The following KIF2A variants were observed in gnomAD, a reference collection of about 807,000 sequenced individuals.
KIF2A encodes kinesin-like protein KIF2A.
In KIF2A, 22 loss-of-function variants were observed where a neutral mutation model predicts 100.2. The observed-to-expected ratio is 0.22, with a 90% CI of 0.16 to 0.31. The LOEUF (loss-of-function observed/expected upper bound fraction) is 0.31. KIF2A is among the 10% of genes least tolerant of loss of function. The pLI, the probability that KIF2A is intolerant of heterozygous loss-of-function variation, is 1.00. For missense variants in KIF2A, 495 were observed against 898.7 expected, an observed-to-expected ratio of 0.55 and a Z score of 5.74; for synonymous variants, 268 against 285.9, an observed-to-expected ratio of 0.94 and a Z score of 0.63.
intron 1 of KIF2A, among the ~76,000 whole-genome samples, chr5:62,340,002 G>C (rs145500552): frequency 6.7e-6 from 1 of 149,196 alleles, no homozygotes; most frequent in Non-Finnish European, 1.5e-5. Context: ...GCAATGGCGC[G>C]ATCTTGGCTC....
At chr5:62,362,342 T>C (rs916275774) in intron 11 of KIF2A, 108 bp from the exon 12 acceptor site, 22 of 447,878 alleles carry the variant, frequency 4.9e-5, no homozygotes, top group Non-Finnish European at 7.9e-6. Context: ...TTATTGATAC[T>C]GTTATCCTAG....
chr5:62,380,295 T>C (rs1741717923), intron 19 of KIF2A, among the ~76,000 whole-genome samples: 1 of 152,236 alleles, frequency 6.6e-6, no homozygotes, highest in South Asian at 2.1e-4. Context: ...AAGTGCTCAG[T>C]AGCTTTATTA....
Position 62,388,967 on chromosome 5 carries a change from T to G in KIF2A, c.*3398T>G. On this transcript the variant is annotated 3_prime_UTR_variant, in exon 21 of 21. Transcript: ENST00000407818. ...TTCTCAAATACAAAAAATACAAAAT[T>G]CATTTCTTTTCTTGACCTTGAAAAT... The G allele has an allele frequency of 3.2e-6, 5 of 1,555,900 alleles. No homozygotes were observed. Among genetic ancestry groups the G allele is most frequent in the African/African-American group, 1.4e-5 (1 of 73,018 alleles).
rs576340026 is a variant in KIF2A, at chr5:62,340,011, T to C, written c.65-7119T>C. Among the ~76,000 whole-genome samples, 4 of 151,144 alleles carry C rather than the reference T, an allele frequency of 2.6e-5. No homozygotes were observed. The East Asian group carries it at 7.8e-4, about 30-fold the overall frequency. Reference sequence around the variant, plus strand: ...TGGAGTGCAATGGCGCGATCTTGGCTCACTGCAACCTCTGCCTCCCGGGTT... The same window carrying C: ...TGGAGTGCAATGGCGCGATCTTGGCCCACTGCAACCTCTGCCTCCCGGGTT... On this transcript the variant is annotated intron_variant, in intron 1 of 20. Coordinates refer to ENST00000407818, the MANE Select transcript of KIF2A (RefSeq NM_001098511.3).
chr5:62,345,657 G>T (rs1747528463), intron 1 of KIF2A, among the ~76,000 whole-genome samples: 1 of 152,026 alleles, frequency 6.6e-6, no homozygotes, highest in Non-Finnish European at 1.5e-5. Context: ...AAAAGGCAGT[G>T]ATAGTAATTT....
chr5:62,344,285 A>C (rs988363140), intron 1 of KIF2A, among the ~76,000 whole-genome samples: 1 of 151,588 alleles, frequency 6.6e-6, no homozygotes, highest in Non-Finnish European at 1.5e-5. Context: ...TGGAGGTTGC[A>C]GTGAGCCGAG....
chr5:62,345,112 G>A (rs1288005300), intron 1 of KIF2A, among the ~76,000 whole-genome samples: 1 of 152,202 alleles, frequency 6.6e-6, no homozygotes, highest in East Asian at 1.9e-4. Context: ...CCAGGGCCAG[G>A]CGTGGTGGCT....
intron 19 of KIF2A, among the ~76,000 whole-genome samples, chr5:62,379,020 A>G (rs1246533890): frequency 6.6e-6 from 1 of 152,210 alleles, no homozygotes; most frequent in Non-Finnish European, 1.5e-5. Context: ...ACACACCTGT[A>G]ATCCCAGCAC....
intron 1 of KIF2A, among the ~76,000 whole-genome samples, chr5:62,323,426 G>A (rs1580009300): frequency 6.6e-6 from 1 of 152,000 alleles, no homozygotes; most frequent in East Asian, 1.9e-4. Context: ...GGGAGGCTGA[G>A]GCAGGAGAAT....
intron 16 of KIF2A, among the ~76,000 whole-genome samples, chr5:62,371,093 C>G (rs1251413612): frequency 6.6e-6 from 1 of 151,852 alleles, no homozygotes; most frequent in Non-Finnish European, 1.5e-5. Flanking sequence ...CTAACGAGAC[C>G]TCATCTCTAC....
At chr5:62,314,769 T>G (rs1007822078) in intron 1 of KIF2A, among the ~76,000 whole-genome samples, 23 of 147,622 alleles carry the variant, frequency 1.6e-4, no homozygotes, top group Non-Finnish European at 3.1e-4. Context: ...TTTTTTTTTT[T>G]TTTTTTTTTT....
chr5:62,336,528 A>G (rs907158746), intron 1 of KIF2A, among the ~76,000 whole-genome samples: 1 of 152,250 alleles, frequency 6.6e-6, no homozygotes, highest in Non-Finnish European at 1.5e-5. Context: ...GGAATTTGAG[A>G]AACATTTCTA....
intron 16 of KIF2A, among the ~76,000 whole-genome samples, chr5:62,368,452 A>C (rs1430502396): frequency 1.3e-5 from 2 of 152,114 alleles, no homozygotes; most frequent in Non-Finnish European, 2.9e-5. Flanking sequence ...GCTTTTGCAA[A>C]AAAAGTGATT....
chr5:62,309,767 C>T (rs1745472311), intron 1 of KIF2A, among the ~76,000 whole-genome samples: 1 of 152,152 alleles, frequency 6.6e-6, no homozygotes, highest in African/African-American at 2.4e-5. Context: ...TACTCTTACA[C>T]TAATAAACAT....
chr5:62,359,985 A>G (rs1355167081), intron 9 of KIF2A, among the ~76,000 whole-genome samples: 2 of 149,570 alleles, frequency 1.3e-5, no homozygotes, highest in East Asian at 3.9e-4. Context: ...TCTGTTTTCC[A>G]TCTTTTTTTT....
At chr5:62,333,532 A>T (rs947616984) in intron 1 of KIF2A, among the ~76,000 whole-genome samples, 1 of 152,198 alleles carries the variant, frequency 6.6e-6, no homozygotes, top group Non-Finnish European at 1.5e-5. Context: ...CTGCAGAAGC[A>T]GTGTCAGGCT....
Position 62,365,200 on chromosome 5 carries a change from A to G in KIF2A, c.1468-43A>G, listed in dbSNP as rs776019391. On this transcript the variant is annotated intron_variant, in intron 14 of 20. Coordinates refer to ENST00000407818, the MANE Select transcript of KIF2A (RefSeq NM_001098511.3). ...AATATGTTAATTAAGATTATCCTTT[A>G]TAAGAAAGACTAATCTGTGAGACTT... The G allele has an allele frequency of 1.3e-5, 13 of 976,204 alleles. No homozygotes were observed. In the South Asian group the frequency reaches 1.6e-4, roughly 12 times the overall value. The allele number at this position is 976,204 out of a possible 1,614,324, so 60.5% of individuals were successfully genotyped here.
rs181284553 is a variant in KIF2A, at chr5:62,370,476, T to G, written c.1647-1962T>G. On this transcript the variant is annotated intron_variant, in intron 16 of 20. Coordinates refer to ENST00000407818, the MANE Select transcript of KIF2A (RefSeq NM_001098511.3). ...GCCCAGCTAATTTTTTTGTATTTTT[T>G]AGTAGAGATGGAGTTTCACCATGTT... Among the ~76,000 whole-genome samples, 105 of 152,102 alleles carry G rather than the reference T, an allele frequency of 6.9e-4. 2 individuals are homozygous for G. The highest frequency in any genetic ancestry group is 2.4e-3 in the African/African-American group (100 of 41,484).
chr5:62,373,664 A>G (rs1260635241), intron 17 of KIF2A, 23 bp from the exon 18 acceptor site: 2 of 1,596,758 alleles, frequency 1.3e-6, no homozygotes, highest in South Asian at 2.2e-5. Flanking sequence ...TTTTAACTTT[A>G]GATACCTCTT....
Sources: gnomAD v4.1 joint callset for allele counts (sites outside exome capture counted in the v4.1 genomes callset) on GRCh38, gnomAD v4.1.1 for gene constraint, MANE v1.5 for transcripts, NCBI Gene and HGNC (gene_info 2026-07-23, HGNC 2026-07-21) for gene names.